The following PCSK4 variants were observed in gnomAD, a reference collection of about 807,000 sequenced individuals.
PCSK4 encodes the protein proprotein convertase subtilisin/kexin type 4.
PCSK4 carries 64 observed loss-of-function variants against 80.3 expected under a neutral mutation model. The ratio of observed to expected loss-of-function variants is 0.80; its 90% CI spans 0.65 to 0.98. The LOEUF is 0.98. PCSK4 is among the 50% of genes least tolerant of loss of function. The probability of loss-of-function intolerance (pLI) is 0.00; values close to 1 mark genes in which losing one functional copy is unlikely to be tolerated. For synonymous variants in PCSK4, 561 were observed against 487.6 expected, an observed-to-expected ratio of 1.15 and a Z score of -1.98; for missense variants, 1,213 against 1,093.6, an observed-to-expected ratio of 1.11 and a Z score of -1.54.
intron 12 of PCSK4, 71 bp from the exon 13 acceptor site, chr19:1,483,091 G>C: frequency 1.4e-6 from 2 of 1,416,608 alleles, no homozygotes; most frequent in Admixed American, 4.9e-5. Flanking sequence ...AGAGCCCCAT[G>C]AAGTGTCTGA....
At chr19:1,481,993 C>T in exon 15 of PCSK4, 2 of 1,591,882 alleles carry the variant, frequency 1.3e-6, no homozygotes, top group Non-Finnish European at 1.7e-6. Context: ...AGCCCTGCTG[C>T]TGGTCCAGCG....
chr19:1,490,223 C>T, exon 1 of PCSK4: 1 of 1,613,176 alleles, frequency 6.2e-7, no homozygotes, highest in Non-Finnish European at 8.5e-7. Context: ...CCCTGGGACA[C>T]CTGGACGGCC....
In PCSK4 at chr19:1,483,525, C is replaced by A. The variant is rs551309141; in HGVS notation, c.1392-62G>T. On this transcript the variant is annotated intron_variant, in intron 11 of 14. Transcript: ENST00000300954. The stretch of plus-strand genomic sequence containing the variant: ...TGCTGGGGGGTGGGTGGGCGGCCAG[C>A]AGGCGAGGTCGGGGCTCAGAGGTCA... 4.1e-5 allele frequency: 59 copies of A among 1,424,402 alleles called. No individual in the cohort carries two copies. In the African/African-American group the frequency reaches 7.3e-4, roughly 18 times the overall value. 88.2% of individuals were successfully genotyped at this position (1,424,402 alleles called of 1,614,324 possible). A position where few individuals can be genotyped will look rare whatever the true frequency, so the allele number is the denominator to read the frequency against.
In PCSK4 at chr19:1,487,769, T is replaced by C. The variant is rs1199320737; in HGVS notation, c.593+16A>G. 4 of 1,562,562 alleles carry C rather than the reference T, an allele frequency of 2.6e-6. No homozygotes were observed. In the Admixed American group the frequency reaches 5.7e-5, roughly 22 times the overall value. On this transcript the variant is annotated intron_variant, in intron 5 of 14. Coordinates refer to ENST00000300954, the Ensembl canonical transcript of PCSK4. Reference sequence around the variant, plus strand: ...GTACTGGGGCTTCCCCCGTGTGCTGTGGGAGCCCTGCTCACCGGTTCTCTT... The same window carrying C: ...GTACTGGGGCTTCCCCCGTGTGCTGCGGGAGCCCTGCTCACCGGTTCTCTT...
chr19:1,488,073 T>A, exon 4 of PCSK4: 1 of 1,613,136 alleles, frequency 6.2e-7, no homozygotes, highest in African/African-American at 1.3e-5. Flanking sequence ...GATGCTCAGG[T>A]CTGGTTGGGC....
chr19:1,486,879 T>A, exon 8 of PCSK4: 9 of 1,599,446 alleles, frequency 5.6e-6, no homozygotes, highest in Non-Finnish European at 6.8e-6. Context: ...GCCACGCCGC[T>A]GCTGTAGGTG....
chr19:1,488,019 A>G, exon 4 of PCSK4: 1 of 1,613,482 alleles, frequency 6.2e-7, no homozygotes, highest in Non-Finnish European at 8.5e-7. Flanking sequence ...CAGCACAGAG[A>G]CCACGATGCC....
chr19:1,483,626 C>T (rs1362206072), intron 11 of PCSK4, 24 bp downstream of exon 11: 4 of 1,540,350 alleles, frequency 2.6e-6, no homozygotes, highest in Non-Finnish European at 3.5e-6. Flanking sequence ...GCGGGGATAG[C>T]GGAGGGGCGC....
Position 1,483,272 on chromosome 19 carries a change from C to A in PCSK4, c.1571+12G>T. The A allele has an allele frequency of 6.4e-7, 1 of 1,561,298 alleles. No homozygotes were observed. Among genetic ancestry groups the A allele is most frequent in the Non-Finnish European group, 8.7e-7 (1 of 1,152,852 alleles). ...GCATGAGGCCGCCCCCTCTCCTCTG[C>A]GGGCCGCTCACCGTATGGCCACGAG... On this transcript the variant is annotated intron_variant, in intron 12 of 14. Coordinates refer to ENST00000300954, the Ensembl canonical transcript of PCSK4.
chr19:1,488,322 C>G (rs777222611), intron 2 of PCSK4, 42 bp from the exon 3 acceptor site: 2 of 1,509,406 alleles, frequency 1.3e-6, no homozygotes, highest in African/African-American at 2.8e-5. Context: ...CCTGCTCGCC[C>G]CTGGGGCCCC....
At chr19:1,489,833 G>C (rs760350991) in exon 2 of PCSK4, 21 of 1,610,470 alleles carry the variant, frequency 1.3e-5, no homozygotes, top group Non-Finnish European at 1.8e-5. Flanking sequence ...GCCCCAGTGC[G>C]GGGTCAGGGA....
intron 14 of PCSK4, 37 bp from the exon 15 acceptor site, chr19:1,482,244 G>A (rs1394095444): frequency 6.6e-7 from 1 of 1,522,920 alleles, no homozygotes; most frequent in Non-Finnish European, 8.8e-7. Flanking sequence ...CCGTCAGCTT[G>A]CCACCCGCAG....
At position 1,487,136 on chromosome 19, in the gene PCSK4, C is replaced by A; in HGVS notation, c.855+5G>T. 6.2e-7 allele frequency: 1 copy of A among 1,603,964 alleles called. No individual in the cohort carries two copies. Among genetic ancestry groups the A allele is most frequent in the South Asian group, 1.1e-5 (1 of 90,930 alleles). On this transcript the variant is annotated splice_donor_5th_base_variant and intron_variant, in intron 7 of 14. Coordinates refer to ENST00000300954, the Ensembl canonical transcript of PCSK4. ...CACCCCTGCCCTCCTCGGGCTGCCA[C>A]TCACCTTGGTCACACCACGCCGGAA...
intron 8 of PCSK4, among the ~76,000 whole-genome samples, chr19:1,484,666 C>A (rs1163185564): frequency 6.6e-6 from 1 of 150,436 alleles, no homozygotes; most frequent in African/African-American, 2.4e-5. Context: ...AAAAAAATTA[C>A]CCGGGTATGG....
At chr19:1,481,823 G>A in exon 15 of PCSK4, 1 of 1,544,512 alleles carries the variant, frequency 6.5e-7, no homozygotes, top group Non-Finnish European at 8.8e-7. Flanking sequence ...GGAGAGCCAG[G>A]CGTATAGTGG....
chr19:1,487,343 C>T (rs2084680197), intron 6 of PCSK4, 30 bp from the exon 7 acceptor site: 1 of 1,542,198 alleles, frequency 6.5e-7, no homozygotes, highest in Non-Finnish European at 8.8e-7. Context: ...GGGCCGCTGC[C>T]ACCGGCCCTG....
At chr19:1,485,285 C>G (rs541403009) in intron 8 of PCSK4, among the ~76,000 whole-genome samples, 1 of 151,930 alleles carries the variant, frequency 6.6e-6, no homozygotes, top group East Asian at 1.9e-4. Flanking sequence ...AAAAATTAGC[C>G]GGGCATGGTG....
intron 13 of PCSK4, 142 bp downstream of exon 13, chr19:1,482,754 G>A: frequency 1.1e-6 from 1 of 896,140 alleles, no homozygotes. Context: ...CCGGGTGACT[G>A]CACGCCTACT....
upstream of PCSK4, chr19:1,490,474 G>A (rs2084893449): frequency 3.8e-6 from 2 of 532,006 alleles, no homozygotes; most frequent in East Asian, 3.4e-5. Context: ...AGGGGGCCTT[G>A]CGGCTACTCA....
Sources: allele counts gnomAD v4.1 joint callset (sites outside exome capture counted in the v4.1 genomes callset), GRCh38; gene constraint gnomAD v4.1.1; transcripts MANE v1.5; gene names NCBI Gene and HGNC (gene_info 2026-07-23, HGNC 2026-07-21).